Variants in SYNE1 observed in about 807,000 individuals in gnomAD.
SYNE1 encodes nesprin-1.
A neutral mutation model predicts 1,111.0 loss-of-function variants in SYNE1; 616 were observed. The observed-to-expected ratio is 0.55, with a 90% confidence interval of 0.52 to 0.59. The LOEUF is 0.59. Among genes scored for constraint, SYNE1 ranks in the 20% least tolerant of loss-of-function variants. The probability of loss-of-function intolerance (pLI) is 0.00; values close to 1 mark genes in which losing one functional copy is unlikely to be tolerated. For missense variants in SYNE1, 10,006 were observed against 10,417.0 expected (o/e 0.96, Z 1.72); for synonymous variants, 3,855 against 3,825.8 (o/e 1.01, Z -0.28).
chr6:152,206,818 A>G (rs770296253), intron 125 of SYNE1, among the ~76,000 whole-genome samples: 36 of 152,292 alleles, frequency 2.4e-4, no homozygotes, highest in Non-Finnish European at 4.4e-4. Context: ...TATGAGAAAA[A>G]TATGATAAAT....
At chr6:152,251,804 T>A (rs2089374514) in intron 104 of SYNE1, among the ~76,000 whole-genome samples, 1 of 152,202 alleles carries the variant, frequency 6.6e-6, no homozygotes, top group South Asian at 2.1e-4. Flanking sequence ...AGAATTGAAC[T>A]ATTTTTGTAT....
chr6:152,404,266 C>A lies in SYNE1; in HGVS notation c.6772G>T (p.Val2258Phe), dbSNP rs748502681. The A allele has an allele frequency of 6.2e-7, 1 of 1,613,010 alleles. No homozygotes were observed. Among genetic ancestry groups the A allele is most frequent in the South Asian group, 1.1e-5 (1 of 91,048 alleles). The change falls in exon 46 of 146, where the codon GTT becomes TTT. Residue 2258 changes from valine (V) to phenylalanine (F), a missense_variant. Val to Phe is a conservative substitution (Grantham distance 50). Coordinates refer to ENST00000367255, the MANE Select transcript of SYNE1 (RefSeq NM_182961.4). The stretch of plus-strand genomic sequence containing the variant: ...TTAGTTAATTCTTTCAGATCATTAA[C>A]TTTGGAATGCAGTTCTTCCAATCTC... ...ALRLEELHSKVNDLKELTKNL... is the reference protein window; with the variant it reads ...ALRLEELHSKFNDLKELTKNL...
In SYNE1 at chr6:152,213,338, C is replaced by G. The variant is rs575665600; in HGVS notation, c.22494+274G>C. On this transcript the variant is annotated intron_variant, in intron 123 of 145. Transcript: ENST00000367255. ...CACGTTCCACCAACTTTGCCTGTCT[C>G]GAGTAAGTAGCCTTTAACCACAATT... Among the ~76,000 whole-genome samples, 9 of 152,138 alleles carry G rather than the reference C, an allele frequency of 5.9e-5. No individual in the cohort carries two copies. The East Asian group carries it at 7.7e-4, about 13-fold the overall frequency.
chr6:152,236,001 C>T, intron 110 of SYNE1, 106 bp downstream of exon 110: 1 of 1,300,758 alleles, frequency 7.7e-7, no homozygotes, highest in Non-Finnish European at 1.1e-6. Context: ...TATTGGCCAC[C>T]CAAGTAATGA....
intron 21 of SYNE1, 146 bp downstream of exon 21, chr6:152,461,451 C>A: frequency 1.0e-6 from 1 of 981,058 alleles, no homozygotes; most frequent in South Asian, 1.5e-5. Flanking sequence ...TAATTCATGA[C>A]AAAGTTACTA....
chr6:152,406,243 T>G (rs1416961514), intron 45 of SYNE1, among the ~76,000 whole-genome samples: 3 of 152,226 alleles, frequency 2.0e-5, no homozygotes. Context: ...CTTCCATTTT[T>G]GAAAAGGAAG....
intron 6 of SYNE1, among the ~76,000 whole-genome samples, chr6:152,514,082 G>T (rs1259121933): frequency 6.6e-6 from 1 of 152,174 alleles, no homozygotes; most frequent in Non-Finnish European, 1.5e-5. Context: ...ATTCCTCAAA[G>T]ATCTAGAACC....
rs138003402 is a variant in SYNE1 at position 152,357,646 on chromosome 6, G to A, written c.10608+727C>T. Among the ~76,000 whole-genome samples the A allele has an allele frequency of 5.9e-3, 903 of 152,044 alleles. 3 individuals are homozygous for A. The highest frequency in any genetic ancestry group is 9.4e-3 in the Non-Finnish European group (642 of 67,992). On this transcript the variant is annotated intron_variant, in intron 66 of 145. Coordinates refer to ENST00000367255, the MANE Select transcript of SYNE1 (RefSeq NM_182961.4). ...CTTACATTAGTCTACTAATGTCCTC[G>A]CCATATTATTTATAATCATCTTTCT...
chr6:152,452,175 T>C (rs2098656753), intron 25 of SYNE1, among the ~76,000 whole-genome samples: 1 of 152,166 alleles, frequency 6.6e-6, no homozygotes, highest in Admixed American at 6.5e-5. Context: ...TTTAGTCCCA[T>C]AATTAATTTT....
In SYNE1 at chr6:152,231,547, G is replaced by A. The variant is rs748500532; in HGVS notation, c.20883C>T (p.Asn6961=). ...QKYKGFKIDI[N]CKQLTVDFVN... ...CAAAATCCACTGTCAGCTGTTTACA[G>A]TTAATGTCTATCTTAAAACCCTAAA... Residue 6961 remains asparagine (N), a synonymous_variant, in exon 114 of 146, where the codon AAC becomes AAT. Transcript: ENST00000367255. 1 of 1,613,930 alleles carries A rather than the reference G, an allele frequency of 6.2e-7. No homozygotes were observed. Among genetic ancestry groups the A allele is most frequent in the South Asian group, 1.1e-5 (1 of 91,074 alleles).
chr6:152,605,039 A>G (rs1288164318), intron 3 of SYNE1, among the ~76,000 whole-genome samples: 47 of 30,190 alleles, frequency 1.6e-3, no homozygotes, highest in South Asian at 3.0e-3. Flanking sequence ...AGAGAGAGGG[A>G]GGGAGGGAGG....
intron 11 of SYNE1, among the ~76,000 whole-genome samples, chr6:152,495,763 C>A (rs1342410638): frequency 6.6e-6 from 1 of 152,174 alleles, no homozygotes. Context: ...CTAACCCTAG[C>A]CAATAGGGGA....
At chr6:152,386,808 G>A (rs776780301) in intron 54 of SYNE1, among the ~76,000 whole-genome samples, 9 of 151,988 alleles carry the variant, frequency 5.9e-5, no homozygotes, top group African/African-American at 1.2e-4. Context: ...CTAAAAAAGC[G>A]GAGAAAGAGA....
At chr6:152,160,749 G>C (rs1250219300) in intron 131 of SYNE1, among the ~76,000 whole-genome samples, 2 of 152,116 alleles carry the variant, frequency 1.3e-5, no homozygotes, top group Non-Finnish European at 2.9e-5. Context: ...TCTGAAGTTA[G>C]AGCCATTGTC....
At chr6:152,376,243 C>T in intron 58 of SYNE1, 138 bp downstream of exon 58, 1 of 832,628 alleles carries the variant, frequency 1.2e-6, no homozygotes, top group Admixed American at 2.0e-5. Flanking sequence ...TGCTGCTCAC[C>T]TCCTGCTGTG....
At chr6:152,390,020 C>T (rs1027258598) in intron 53 of SYNE1, among the ~76,000 whole-genome samples, 1 of 151,976 alleles carries the variant, frequency 6.6e-6, no homozygotes, top group African/African-American at 2.4e-5. Flanking sequence ...TTTGCTGAGC[C>T]CATGTCACAT....
At chr6:152,206,435 G>A (rs900726651) in intron 125 of SYNE1, 73 bp from the exon 126 acceptor site, 2 of 1,562,280 alleles carry the variant, frequency 1.3e-6, no homozygotes, top group Non-Finnish European at 1.7e-6. Context: ...ATTTTTAAAT[G>A]GCCCTAACTT....
At chr6:152,613,693 A>G (rs1247814570) in intron 3 of SYNE1, among the ~76,000 whole-genome samples, 1 of 152,242 alleles carries the variant, frequency 6.6e-6, no homozygotes, top group African/African-American at 2.4e-5. Flanking sequence ...TCCTAAGCAA[A>G]AAGAACAAAG....
At chr6:152,303,809 T>C (rs1023309380) in intron 91 of SYNE1, among the ~76,000 whole-genome samples, 1 of 152,186 alleles carries the variant, frequency 6.6e-6, no homozygotes, top group African/African-American at 2.4e-5. Flanking sequence ...TCCTTTTTGC[T>C]CCTCAAATAT....
Sources: gnomAD v4.1 joint callset for allele counts (sites outside exome capture counted in the v4.1 genomes callset) on GRCh38, gnomAD v4.1.1 for gene constraint, MANE v1.5 for transcripts, NCBI Gene and HGNC (gene_info 2026-07-23, HGNC 2026-07-21) for gene names.